The following SPEN variants were observed in gnomAD, a reference collection of about 807,000 sequenced individuals.
SPEN encodes the protein spen family transcriptional repressor, also known as msx2-interacting protein.
Under a neutral mutation model 269.9 loss-of-function variants are expected in SPEN, and 18 were observed. The observed-to-expected ratio is 0.07, with a 90% CI of 0.05 to 0.10. The LOEUF (loss-of-function observed/expected upper bound fraction) is 0.10. SPEN is among the 10% of genes least tolerant of loss of function. SPEN has a pLI of 1.00. For missense variants in SPEN, 3,822 were observed against 4,631.2 expected (o/e 0.83, Z 5.07); for synonymous variants, 1,726 against 1,765.7 (o/e 0.98, Z 0.56).
chr1:15,930,375 C>T lies in SPEN; in HGVS notation c.4135C>T (p.Pro1379Ser), dbSNP rs760111274. The change falls in exon 11 of 15, where the codon CCT (proline) becomes TCT (serine). Residue 1379 changes from proline (P) to serine (S), a missense_variant. Transcript: ENST00000375759. The surrounding 1 kb of genome is among the most constrained non-coding windows in gnomAD (Gnocchi z 5.3). ...ACGAGATCTGGAACCTGGTGAGGTG[C>T]CTTCTGATTCTGACGAAGATGGTGA... is the stretch of plus-strand genomic sequence containing the variant. Reference protein sequence around the residue: ...SVRDLEPGEVPSDSDEDGEHK... With the variant: ...SVRDLEPGEVSSDSDEDGEHK... 1.2e-6 allele frequency: 2 copies of T among 1,613,242 alleles called. No individual in the cohort carries two copies. The highest frequency in any genetic ancestry group is 1.1e-5 in the South Asian group (1 of 91,034).
At chr1:15,859,358 C>CTTTTTTTTTTTTTTTTTTTTTTTCT (rs143092339) in intron 1 of SPEN, among the ~76,000 whole-genome samples, 1 of 115,606 alleles carries the variant, frequency 8.7e-6, no homozygotes, top group Non-Finnish European at 1.7e-5. Context: ...TTTTTCTTTT[C>CTTTTTTTTTTTTTTTTTTTTTTTCT]TTTTTTTTTT....
intron 3 of SPEN, among the ~76,000 whole-genome samples, chr1:15,890,169 G>A (rs1433786882): frequency 6.6e-6 from 1 of 152,216 alleles, no homozygotes. Context: ...TGGTATGGAA[G>A]AGAGATGTAG....
chr1:15,915,224 A>G (rs2071047049), intron 5 of SPEN, among the ~76,000 whole-genome samples: 1 of 152,210 alleles, frequency 6.6e-6, no homozygotes, highest in South Asian at 2.1e-4. Flanking sequence ...TTTTAAAACA[A>G]ATCAGGCCAA....
At position 15,876,597 on chromosome 1, in the gene SPEN, G is replaced by T; in HGVS notation, c.800G>T (p.Arg267Met). ...GCTAGCCAAGCATCTAGACCCACAAGGTCCCCTAGCGGCAGCGGCTCTAGA... is the reference window on the plus strand; with the variant it reads ...GCTAGCCAAGCATCTAGACCCACAATGTCCCCTAGCGGCAGCGGCTCTAGA... ...RLASQASRPT[R>M]SPSGSGSRSR... The change falls in exon 3 of 15, where the codon AGG becomes ATG. Residue 267 changes from arginine to methionine, a missense_variant. Physicochemically the swap from Arg to Met is moderately conservative, Grantham distance 91. Around this residue, in one of 16 missense-constraint regions of SPEN, gnomAD observed 327 missense variants for 350.8 expected, o/e 0.93. Coordinates refer to ENST00000375759, the MANE Select transcript of SPEN (RefSeq NM_015001.3). 1.9e-6 allele frequency: 3 copies of T among 1,613,984 alleles called. No individual in the cohort carries two copies. Among genetic ancestry groups the T allele is most frequent in the Non-Finnish European group, 2.5e-6 (3 of 1,180,018 alleles).
intron 1 of SPEN, among the ~76,000 whole-genome samples, chr1:15,866,529 A>G (rs900957795): frequency 6.6e-6 from 1 of 151,990 alleles, no homozygotes; most frequent in African/African-American, 2.4e-5. Flanking sequence ...AATTTTTTGT[A>G]TTTTTAGTAG....
At chr1:15,889,162 TTC>T (rs2070766286) in intron 3 of SPEN, among the ~76,000 whole-genome samples, 1 of 98,154 alleles carries the variant, frequency 1.0e-5, no homozygotes, top group African/African-American at 6.7e-5. Flanking sequence ...TTCTTTTCTT[TTC>T]TTTTTTTTTT....
intron 3 of SPEN, among the ~76,000 whole-genome samples, chr1:15,878,840 T>C (rs530470985): frequency 3.3e-5 from 5 of 151,346 alleles, no homozygotes; most frequent in Admixed American, 6.6e-5. Context: ...TGAAACCCTG[T>C]CTCTACTAAA....
At position 15,922,267 on chromosome 1, in the gene SPEN, G is replaced by A; in HGVS notation, c.1768G>A (p.Glu590Lys). The A allele has an allele frequency of 6.3e-7, 1 of 1,599,814 alleles. No homozygotes were observed. Among genetic ancestry groups the A allele is most frequent in the Non-Finnish European group, 8.5e-7 (1 of 1,176,736 alleles). ...NKIKVDFANR[E>K]SQLAFYHCME... ...TTTAAAGGTGGATTTTGCAAATCGG[G>A]AAAGTCAGCTGGCTTTTTATCACTG... is the stretch of plus-strand genomic sequence containing the variant. The change falls in exon 10 of 15, where the codon GAA (glutamate) becomes AAA (lysine). Residue 590 changes from glutamate (E) to lysine (K), a missense_variant. Physicochemically the swap from Glu to Lys is moderately conservative, Grantham distance 56. This residue lies in a region of SPEN where 230 missense variants were observed against 426.1 expected (regional missense o/e 0.54). Transcript: ENST00000375759.
rs563516671 is a variant in SPEN at position 15,853,296 on chromosome 1, T to C, written c.83+5146T>C. 3.3e-4 allele frequency among the ~76,000 whole-genome samples: 50 copies of C among 150,942 alleles called. No homozygotes were observed. The South Asian group carries it at 4.8e-3, about 15-fold the overall frequency. ...CCTCCTCCTGGGTTCAAGCACTTCTTGTGCCATAGCCTCCTGAGTAGCTGG... is the reference window on the plus strand; with the variant it reads ...CCTCCTCCTGGGTTCAAGCACTTCTCGTGCCATAGCCTCCTGAGTAGCTGG... On this transcript the variant is annotated intron_variant, in intron 1 of 14. Transcript: ENST00000375759.
At chr1:15,879,698 T>A (rs1243389727) in intron 3 of SPEN, among the ~76,000 whole-genome samples, 1 of 149,304 alleles carries the variant, frequency 6.7e-6, no homozygotes, top group African/African-American at 2.5e-5. Context: ...TGAGGCGGAG[T>A]CTCGCTCTGT....
chr1:15,860,442 AGTGT>A (rs71574142), intron 1 of SPEN, among the ~76,000 whole-genome samples: 409 of 119,998 alleles, frequency 3.4e-3, no homozygotes, highest in African/African-American at 5.7e-3. Context: ...GTCCCACTGT[AGTGT>A]GTGTGTGTGT....
Position 15,936,042 on chromosome 1 carries a change from C to G in SPEN, c.9802C>G (p.Arg3268Gly), listed in dbSNP as rs200479229. The G allele has an allele frequency of 6.3e-7, 1 of 1,591,566 alleles. No individual in the cohort carries two copies. ...APAPAPHGEARILTVTPSNQL... is the reference protein window; with the variant it reads ...APAPAPHGEAGILTVTPSNQL... The stretch of plus-strand genomic sequence containing the variant: ...TGCTCCTGCCCCTCATGGTGAGGCC[C>G]GTATCCTCACAGTTACCCCCAGTAA... The change falls in exon 11 of 15, where the codon CGT (arginine) becomes GGT (glycine). Residue 3268 changes from arginine (R) to glycine (G), a missense_variant. By Grantham distance (125) the Arg-to-Gly change is moderately radical (BLOSUM62 -2). Transcript: ENST00000375759.
At chr1:15,853,216 G>A (rs2070353532) in intron 1 of SPEN, among the ~76,000 whole-genome samples, 1 of 151,850 alleles carries the variant, frequency 6.6e-6, no homozygotes. Flanking sequence ...TTGAGATGGA[G>A]TCTCACTCTG....
In SPEN at chr1:15,935,574, A is replaced by G. The variant is rs776579272; in HGVS notation, c.9334A>G (p.Ile3112Val). ...TPTLPSITYS[I>V]RPEALHSPRA... ...CACGCTGCCCAGTATCACCTACAGC[A>G]TCCGGCCAGAAGCGCTTCACTCTCC... The change falls in exon 11 of 15, where the codon ATC becomes GTC. Residue 3112 changes from isoleucine to valine, a missense_variant. Coordinates refer to ENST00000375759, the MANE Select transcript of SPEN (RefSeq NM_015001.3). The surrounding 1 kb of genome is among the most constrained non-coding windows in gnomAD (Gnocchi z 7.7). 6.2e-7 allele frequency: 1 copy of G among 1,614,062 alleles called. No homozygotes were observed. Among genetic ancestry groups the G allele is most frequent in the Non-Finnish European group, 8.5e-7 (1 of 1,180,010 alleles).
chr1:15,929,154 G>T lies in SPEN; in HGVS notation c.2914G>T (p.Gly972Trp). 6.2e-7 allele frequency: 1 copy of T among 1,614,200 alleles called. No homozygotes were observed. Among genetic ancestry groups the T allele is most frequent in the Non-Finnish European group, 8.5e-7 (1 of 1,180,034 alleles). ...KHLKPEQPAD[G>W]VSAVDLEKLE... ...CCTCAAGCCTGAGCAGCCTGCAGAT[G>T]GGGTAAGTGCTGTGGATCTGGAGAA... Residue 972 changes from glycine to tryptophan, a missense_variant, in exon 11 of 15, where the codon GGG becomes TGG. Gly to Trp is a radical substitution (Grantham distance 184). This residue lies in a region of SPEN where 572 missense variants were observed against 582.6 expected (regional missense o/e 0.98). Transcript: ENST00000375759. The surrounding 1 kb of genome is among the most constrained non-coding windows in gnomAD (Gnocchi z 5.8).
intron 3 of SPEN, among the ~76,000 whole-genome samples, chr1:15,898,565 T>C (rs2070865119): frequency 2.7e-5 from 4 of 148,996 alleles, no homozygotes; most frequent in Admixed American, 2.7e-4. Flanking sequence ...TTTCTTTTTT[T>C]TTTTTTTTGT....
chr1:15,849,930 C>G (rs568791575), intron 1 of SPEN, among the ~76,000 whole-genome samples: 7 of 152,138 alleles, frequency 4.6e-5, no homozygotes, highest in Non-Finnish European at 8.8e-5. Context: ...AGCATTCGCT[C>G]GCTCCTCAGT....
At chr1:15,867,606 T>C (rs1374539265) in intron 1 of SPEN, among the ~76,000 whole-genome samples, 1 of 152,150 alleles carries the variant, frequency 6.6e-6, no homozygotes, top group African/African-American at 2.4e-5. Context: ...TTTGTTGTTG[T>C]TTTTTGAGGC....
intron 3 of SPEN, among the ~76,000 whole-genome samples, chr1:15,905,824 C>T (rs2070950620): frequency 6.6e-6 from 1 of 150,594 alleles, no homozygotes; most frequent in African/African-American, 2.4e-5. Flanking sequence ...CTGCCTGCCT[C>T]AGCCTCCCAA....
Sources: allele counts gnomAD v4.1 joint callset (sites outside exome capture counted in the v4.1 genomes callset), GRCh38; gene constraint gnomAD v4.1.1; regional missense constraint gnomAD v4.1.1; non-coding constraint Gnocchi (gnomAD v3.1); transcripts MANE v1.5; gene names NCBI Gene and HGNC (gene_info 2026-07-23, HGNC 2026-07-21).